CACNA2D3: variants seen among roughly 807,000 people sequenced by gnomAD.
CACNA2D3 encodes voltage-dependent calcium channel subunit alpha-2/delta-3.
Under a neutral mutation model 160.6 loss-of-function variants are expected in CACNA2D3, and 60 were observed. That is an observed-to-expected ratio of 0.37 (90% CI 0.30 to 0.46). CACNA2D3 has a LOEUF of 0.46. Ranked by LOEUF, CACNA2D3 falls within the 20% of genes least tolerant of loss-of-function variation. The pLI, the probability that CACNA2D3 is intolerant of heterozygous loss-of-function variation, is 1.00. For missense variants in CACNA2D3, 1,205 were observed against 1,365.0 expected, an observed-to-expected ratio of 0.88 and a Z score of 1.85; for synonymous variants, 558 against 492.9, an observed-to-expected ratio of 1.13 and a Z score of -1.75.
rs556878770 is a variant in CACNA2D3 at position 54,154,256 on chromosome 3, G to GT, written c.204+30663dup. 1.4e-3 allele frequency among the ~76,000 whole-genome samples: 216 copies of GT among 152,210 alleles called. 2 individuals are homozygous for GT. The highest frequency in any genetic ancestry group is 4.9e-3 in the African/African-American group (204 of 41,520). On this transcript the variant is annotated intron_variant, in intron 2 of 37. Transcript: ENST00000474759. ...AAAAAACATAGCCAATACTTGTCTA[G>GT]TATTTGTTATGTTCAAGGTACTAAT...
chr3:54,875,101 A>G (rs193161048), intron 18 of CACNA2D3: 18 of 152,262 alleles, frequency 1.2e-4, no homozygotes, highest in Admixed American at 1.0e-3. Context: ...CCGAAGCCCT[A>G]TAAGGCAAAA....
At chr3:54,475,709 TAAAC>T (rs947792023) in intron 4 of CACNA2D3, among the ~76,000 whole-genome samples, 8 of 151,954 alleles carry the variant, frequency 5.3e-5, no homozygotes, top group Non-Finnish European at 1.0e-4. Context: ...AATTGACAAA[TAAAC>T]AAATAAACAT....
Position 54,943,772 on chromosome 3 carries a change from C to T in CACNA2D3, c.2450-24678C>T, listed in dbSNP as rs140909969. Among the ~76,000 whole-genome samples, 664 of 152,192 alleles carry T rather than the reference C, an allele frequency of 4.4e-3. 2 individuals are homozygous for T. Among genetic ancestry groups the T allele is most frequent in the Non-Finnish European group, 5.7e-3 (386 of 68,008 alleles). On this transcript the variant is annotated intron_variant, in intron 27 of 37. Coordinates refer to ENST00000474759, the MANE Select transcript of CACNA2D3 (RefSeq NM_018398.3). The stretch of plus-strand genomic sequence containing the variant: ...CTCTCTGTGTCATCCTATTTCAGTC[C>T]GGACTAATAGCTCTCTAGGTTTGCT...
chr3:54,487,382 A>G (rs956927667), intron 4 of CACNA2D3, among the ~76,000 whole-genome samples: 4 of 152,154 alleles, frequency 2.6e-5, no homozygotes, highest in Admixed American at 6.5e-5. Context: ...GGGGAAAAAA[A>G]CCAGACAGTC....
At chr3:54,207,789 T>C (rs1701299387) in intron 2 of CACNA2D3, among the ~76,000 whole-genome samples, 1 of 151,996 alleles carries the variant, frequency 6.6e-6, no homozygotes, top group Admixed American at 6.6e-5. Context: ...TGTCACTTCA[T>C]CATGGGAGCC....
At chr3:54,864,764 G>A (rs1484808037) in intron 17 of CACNA2D3, among the ~76,000 whole-genome samples, 2 of 152,168 alleles carry the variant, frequency 1.3e-5, no homozygotes, top group African/African-American at 2.4e-5. Context: ...ACCTGCATTA[G>A]CCAGGAGAAG....
chr3:54,537,543 A>G (rs1249231239), intron 5 of CACNA2D3, among the ~76,000 whole-genome samples: 8 of 152,104 alleles, frequency 5.3e-5, no homozygotes, highest in Admixed American at 3.9e-4. Flanking sequence ...AATGGCAGCA[A>G]TTATGTTTTG....
intron 4 of CACNA2D3, among the ~76,000 whole-genome samples, chr3:54,402,486 A>G (rs1699486854): frequency 1.3e-5 from 2 of 152,202 alleles, no homozygotes; most frequent in African/African-American, 2.4e-5. Context: ...AGGGCTGGCT[A>G]TACTTATATC....
chr3:54,965,963 A>G (rs1388793866), intron 27 of CACNA2D3, among the ~76,000 whole-genome samples: 1 of 152,070 alleles, frequency 6.6e-6, no homozygotes, highest in Non-Finnish European at 1.5e-5. Context: ...GATTAATGGG[A>G]TGGAGGGACT....
chr3:54,943,147 G>A (rs1210812795), intron 27 of CACNA2D3, among the ~76,000 whole-genome samples: 4 of 150,762 alleles, frequency 2.7e-5, no homozygotes, highest in African/African-American at 9.8e-5. Flanking sequence ...GGCTACAGTG[G>A]ACTATGATCA....
chr3:54,336,182 A>G (rs111463462), intron 3 of CACNA2D3, among the ~76,000 whole-genome samples: 94 of 152,168 alleles, frequency 6.2e-4, no homozygotes, highest in African/African-American at 2.2e-3. Flanking sequence ...CTTCTTACGC[A>G]TGGACGCCCT....
chr3:55,059,441 G>A lies in CACNA2D3; in HGVS notation c.2988-14004G>A, dbSNP rs374021246. Among the ~76,000 whole-genome samples, 231 of 152,312 alleles carry A rather than the reference G, an allele frequency of 1.5e-3. No individual in the cohort carries two copies. In the Middle Eastern group the frequency reaches 0.02, roughly 13 times the overall value. On this transcript the variant is annotated intron_variant, in intron 35 of 37. Transcript: ENST00000474759. ...ACCCCCCTCGCAGGAAGTGCAACAG[G>A]GGTGTGGCTTGTCTGTTCTGGCTGT...
intron 2 of CACNA2D3, among the ~76,000 whole-genome samples, chr3:54,239,899 C>T (rs1288445368): frequency 2.0e-5 from 3 of 152,140 alleles, no homozygotes; most frequent in African/African-American, 7.2e-5. Flanking sequence ...TCAGATAGTA[C>T]TTTTAAAATA....
At chr3:54,155,261 A>G (rs145594767) in intron 2 of CACNA2D3, among the ~76,000 whole-genome samples, 16 of 152,296 alleles carry the variant, frequency 1.1e-4, no homozygotes, top group South Asian at 2.1e-4. Context: ...AGCTTTACCT[A>G]TGGGTCACAC....
At chr3:54,495,121 T>C (rs1315073136) in intron 4 of CACNA2D3, among the ~76,000 whole-genome samples, 2 of 152,196 alleles carry the variant, frequency 1.3e-5, no homozygotes, top group Non-Finnish European at 2.9e-5. Flanking sequence ...CCAATTGGCA[T>C]TGAGCGGTTC....
At chr3:54,507,740 A>G (rs1701394140) in intron 5 of CACNA2D3, among the ~76,000 whole-genome samples, 1 of 152,140 alleles carries the variant, frequency 6.6e-6, no homozygotes, top group Non-Finnish European at 1.5e-5. Context: ...CCAGAGTCAC[A>G]CCCAGAGTCA....
At chr3:54,571,402 C>T (rs1702494475) in intron 8 of CACNA2D3, among the ~76,000 whole-genome samples, 1 of 152,056 alleles carries the variant, frequency 6.6e-6, no homozygotes, top group South Asian at 2.1e-4. Context: ...TTTAAAAGAG[C>T]CTTTGTCTCC....
At chr3:54,680,866 C>T (rs377712235) in intron 11 of CACNA2D3, among the ~76,000 whole-genome samples, 1 of 152,112 alleles carries the variant, frequency 6.6e-6, no homozygotes. Flanking sequence ...CCTCTGATCC[C>T]CAGTTATTCT....
chr3:54,937,593 G>A (rs1475168215), intron 27 of CACNA2D3, among the ~76,000 whole-genome samples: 1 of 152,176 alleles, frequency 6.6e-6, no homozygotes, highest in East Asian at 1.9e-4. Context: ...AAAGTGCAAG[G>A]AAAAAGAGGT....
Sources: allele counts gnomAD v4.1 joint callset (sites outside exome capture counted in the v4.1 genomes callset), GRCh38; gene constraint gnomAD v4.1.1; transcripts MANE v1.5; gene names NCBI Gene and HGNC (gene_info 2026-07-23, HGNC 2026-07-21).